The following NCAM2 variants were observed in gnomAD, a reference collection of about 807,000 sequenced individuals.
NCAM2 encodes neural cell adhesion molecule 2.
NCAM2 carries 30 observed loss-of-function variants against 98.1 expected under a neutral mutation model. The ratio of observed to expected loss-of-function variants is 0.31; its 90% CI spans 0.23 to 0.41. NCAM2 has a LOEUF of 0.41. NCAM2 is among the 10% of genes least tolerant of loss of function. The probability of loss-of-function intolerance (pLI) is 1.00; values close to 1 mark genes in which losing one functional copy is unlikely to be tolerated. For missense variants in NCAM2, 867 were observed against 1,005.8 expected (o/e 0.86, Z 1.87); for synonymous variants, 368 against 342.4 (o/e 1.07, Z -0.83).
chr21:21,015,798 C>T (rs1302427588), intron 1 of NCAM2, among the ~76,000 whole-genome samples: 3 of 152,058 alleles, frequency 2.0e-5, no homozygotes, highest in Non-Finnish European at 2.9e-5. Context: ...CCGCCTCTCG[C>T]GTTCAAGCAA....
At chr21:21,498,638 C>G (rs1569120659) in intron 15 of NCAM2, among the ~76,000 whole-genome samples, 1 of 152,102 alleles carries the variant, frequency 6.6e-6, no homozygotes, top group Admixed American at 6.6e-5. Context: ...TTTTTATAAT[C>G]TCATAAATAC....
intron 1 of NCAM2, among the ~76,000 whole-genome samples, chr21:21,261,293 C>A (rs986019526): frequency 2.0e-5 from 3 of 152,078 alleles, no homozygotes; most frequent in Admixed American, 2.0e-4. Flanking sequence ...ATCATCAAGG[C>A]AGAAAACTAA....
intron 10 of NCAM2, among the ~76,000 whole-genome samples, chr21:21,411,411 T>G (rs1437097300): frequency 6.6e-6 from 1 of 151,466 alleles, no homozygotes; most frequent in Non-Finnish European, 1.5e-5. Flanking sequence ...AATTCCAAAA[T>G]AAATGAAATT....
At chr21:21,072,732 A>G (rs906799971) in intron 1 of NCAM2, among the ~76,000 whole-genome samples, 12 of 152,108 alleles carry the variant, frequency 7.9e-5, no homozygotes, top group African/African-American at 2.9e-4. Flanking sequence ...TGCCCTATTT[A>G]TTTTAGTATT....
intron 1 of NCAM2, among the ~76,000 whole-genome samples, chr21:21,113,037 T>C (rs2066485504): frequency 6.6e-6 from 1 of 152,172 alleles, no homozygotes; most frequent in Non-Finnish European, 1.5e-5. Flanking sequence ...GTTCTCTTTA[T>C]ATTAGGGGTA....
At chr21:21,154,367 G>A (rs1349135732) in intron 1 of NCAM2, among the ~76,000 whole-genome samples, 2 of 151,748 alleles carry the variant, frequency 1.3e-5, no homozygotes, top group African/African-American at 2.4e-5. Flanking sequence ...AAGCATTTAG[G>A]GAAATGGAAT....
chr21:21,124,204 C>T (rs1323985400), intron 1 of NCAM2, among the ~76,000 whole-genome samples: 1 of 152,072 alleles, frequency 6.6e-6, no homozygotes, highest in Admixed American at 6.6e-5. Context: ...AGGGCCATTT[C>T]AAAAATTAAT....
intron 9 of NCAM2, among the ~76,000 whole-genome samples, chr21:21,409,226 G>T (rs540648305): frequency 1.8e-4 from 27 of 152,114 alleles, no homozygotes; most frequent in Admixed American, 1.2e-3. Context: ...CGTAGTCCTG[G>T]GGTGGAGGAA....
At chr21:21,335,270 A>G (rs906148288) in intron 6 of NCAM2, among the ~76,000 whole-genome samples, 8 of 152,138 alleles carry the variant, frequency 5.3e-5, no homozygotes, top group African/African-American at 1.9e-4. Context: ...TAAGATTTTG[A>G]CATAGTTCAA....
intron 1 of NCAM2, among the ~76,000 whole-genome samples, chr21:21,274,106 G>A (rs2072630918): frequency 6.6e-6 from 1 of 151,996 alleles, no homozygotes; most frequent in African/African-American, 2.4e-5. Context: ...GCTGAGGTGT[G>A]GTGAGCTGAG....
At chr21:21,344,838 G>A (rs2147908454) in intron 8 of NCAM2, among the ~76,000 whole-genome samples, 1 of 152,248 alleles carries the variant, frequency 6.6e-6, no homozygotes, top group Non-Finnish European at 1.5e-5. Flanking sequence ...TCTGTGCTGT[G>A]GTGGCTTGAG....
At chr21:21,495,252 C>T (rs998829823) in intron 15 of NCAM2, among the ~76,000 whole-genome samples, 1 of 151,396 alleles carries the variant, frequency 6.6e-6, no homozygotes, top group Non-Finnish European at 1.5e-5. Flanking sequence ...TAAAATATAC[C>T]AATAGACTTT....
At chr21:21,175,199 G>A (rs935402904) in intron 1 of NCAM2, among the ~76,000 whole-genome samples, 1 of 151,990 alleles carries the variant, frequency 6.6e-6, no homozygotes, top group Non-Finnish European at 1.5e-5. Context: ...TCAGTAATCC[G>A]GGGTCAGTGG....
At chr21:21,360,112 G>T (rs1167074299) in intron 8 of NCAM2, among the ~76,000 whole-genome samples, 2 of 151,778 alleles carry the variant, frequency 1.3e-5, no homozygotes, top group Non-Finnish European at 3.0e-5. Context: ...TTGAGCTTAA[G>T]CATGCAACAA....
chr21:21,098,956 G>A (rs2066181809), intron 1 of NCAM2, among the ~76,000 whole-genome samples: 1 of 151,770 alleles, frequency 6.6e-6, no homozygotes, highest in Non-Finnish European at 1.5e-5. Flanking sequence ...ATGAGTTTTG[G>A]TGAAAGCACT....
chr21:21,191,650 A>G (rs929016364), intron 1 of NCAM2, among the ~76,000 whole-genome samples: 5 of 152,192 alleles, frequency 3.3e-5, no homozygotes, highest in African/African-American at 9.6e-5. Context: ...ATAGAGCTCT[A>G]TGAAACATAT....
intron 1 of NCAM2, among the ~76,000 whole-genome samples, chr21:21,278,832 C>T (rs1346498068): frequency 1.3e-5 from 2 of 151,972 alleles, no homozygotes; most frequent in African/African-American, 4.8e-5. Context: ...TTGCTTCCTC[C>T]TGTTCTTTAT....
rs1029664414 is a variant in NCAM2, at chr21:21,219,956, A to G, written c.56-60622A>G. Among the ~76,000 whole-genome samples, 57 of 152,154 alleles carry G rather than the reference A, an allele frequency of 3.7e-4. 1 individual carries two copies. Among genetic ancestry groups the G allele is most frequent in the Admixed American group, 1.3e-4 (2 of 15,264 alleles). The stretch of plus-strand genomic sequence containing the variant: ...AAAACAGTTAAACCAAAAGAACTTT[A>G]AAAGTAGAAAAAAGCTTATAGAATA... On this transcript the variant is annotated intron_variant, in intron 1 of 17. Coordinates refer to ENST00000400546, the MANE Select transcript of NCAM2 (RefSeq NM_004540.5).
intron 5 of NCAM2, among the ~76,000 whole-genome samples, chr21:21,319,007 A>G (rs2074297424): frequency 6.6e-6 from 1 of 152,132 alleles, no homozygotes; most frequent in Admixed American, 6.5e-5. Flanking sequence ...GCTCTGTGAG[A>G]CACTCCTGAG....
Sources: gnomAD v4.1 joint callset for allele counts (sites outside exome capture counted in the v4.1 genomes callset) on GRCh38, gnomAD v4.1.1 for gene constraint, MANE v1.5 for transcripts, NCBI Gene and HGNC (gene_info 2026-07-23, HGNC 2026-07-21) for gene names.